The following CAMK2A variants were observed in gnomAD, a reference collection of about 807,000 sequenced individuals.
CAMK2A encodes the protein calcium/calmodulin dependent protein kinase II alpha.
A neutral mutation model predicts 79.2 loss-of-function variants in CAMK2A; 7 were observed. The ratio of observed to expected loss-of-function variants is 0.09; its 90% confidence interval spans 0.05 to 0.17. The LOEUF is 0.17. Among genes scored for constraint, CAMK2A ranks in the 10% least tolerant of loss-of-function variants. The probability of loss-of-function intolerance (pLI) is 1.00; values close to 1 mark genes in which losing one functional copy is unlikely to be tolerated. For synonymous variants in CAMK2A, 242 were observed against 251.7 expected (o/e 0.96, Z 0.36); for missense variants, 214 against 646.4 (o/e 0.33, Z 7.25).
At chr5:150,227,698 G>A (rs750165442) in intron 17 of CAMK2A, among the ~76,000 whole-genome samples, 2 of 152,172 alleles carry the variant, frequency 1.3e-5, no homozygotes, top group Non-Finnish European at 1.5e-5. Flanking sequence ...CAAACAGGCA[G>A]GGGCACAGCA....
intron 4 of CAMK2A, among the ~76,000 whole-genome samples, 175 bp from the exon 5 acceptor site, chr5:150,257,006 G>A (rs920938470): frequency 6.6e-6 from 1 of 152,138 alleles, no homozygotes; most frequent in South Asian, 2.1e-4. Flanking sequence ...CTGTCTTCCA[G>A]AGCACCCTTC....
chr5:150,269,345 C>G (rs943874884), intron 2 of CAMK2A, among the ~76,000 whole-genome samples: 3 of 152,140 alleles, frequency 2.0e-5, no homozygotes, highest in Admixed American at 2.0e-4. Flanking sequence ...TGGGGCCAGA[C>G]AGTCCCAGCA....
At chr5:150,258,803 C>T (rs1382467976) in intron 3 of CAMK2A, among the ~76,000 whole-genome samples, 1 of 152,156 alleles carries the variant, frequency 6.6e-6, no homozygotes, top group Non-Finnish European at 1.5e-5. Context: ...TGGAGAGAGG[C>T]AGGCATCAGA....
rs530966351 is a variant in CAMK2A, at chr5:150,273,223, T to C, written c.63-64A>G. ...CTGAGGGCTGTGTCCCTAGGAGATG[T>C]TGGAGTTCACATCACTGCCCCACGC... On this transcript the variant is annotated intron_variant, in intron 1 of 18. Transcript: ENST00000671881. 2.0e-5 allele frequency: 25 copies of C among 1,271,632 alleles called. No individual in the cohort carries two copies. In the African/African-American group the frequency reaches 2.4e-4, roughly 12 times the overall value. The allele number at this position is 1,271,632 out of a possible 1,614,324, so 78.8% of individuals were successfully genotyped here.
At chr5:150,236,533 G>A (rs1353651706) in intron 15 of CAMK2A, among the ~76,000 whole-genome samples, 1 of 152,230 alleles carries the variant, frequency 6.6e-6, no homozygotes, top group Non-Finnish European at 1.5e-5. Flanking sequence ...GAAGCTCAGA[G>A]AGGTTGAGTA....
At position 150,247,828 on chromosome 5, in the gene CAMK2A, G is replaced by A. The variant is rs1755640437; in HGVS notation, c.901-14C>T. 1.2e-6 allele frequency: 2 copies of A among 1,612,378 alleles called. No homozygotes were observed. Among genetic ancestry groups the A allele is most frequent in the Non-Finnish European group, 1.7e-6 (2 of 1,179,206 alleles). ...GAGAATGGCTCCCTGCAAGACATAA[G>A]AAGAGGGCAGTGGGAGAGGAGGCCG... On this transcript the variant is annotated splice_polypyrimidine_tract_variant and intron_variant, in intron 11 of 18. Transcript: ENST00000671881.
At chr5:150,250,401 G>A (rs144697493) in intron 10 of CAMK2A, 92 bp from the exon 11 acceptor site, 254 of 1,072,592 alleles carry the variant, frequency 2.4e-4, no homozygotes, top group African/African-American at 2.2e-3. Context: ...TCTTAATGGA[G>A]GTGTGGTTGA....
chr5:150,229,312 A>C (rs1049640023), intron 16 of CAMK2A, among the ~76,000 whole-genome samples: 1 of 152,200 alleles, frequency 6.6e-6, no homozygotes, highest in African/African-American at 2.4e-5. Context: ...TGCTCAGACC[A>C]AACGGGATGC....
Position 150,221,144 on chromosome 5 carries a change from T to G in CAMK2A, c.*1566A>C. 7.2e-6 allele frequency: 2 copies of G among 276,172 alleles called. No individual in the cohort carries two copies. Among genetic ancestry groups the G allele is most frequent in the African/African-American group, 2.2e-5 (1 of 45,590 alleles). 17.1% of individuals were successfully genotyped at this position (276,172 alleles called of 1,614,324 possible). On this transcript the variant is annotated 3_prime_UTR_variant, in exon 19 of 19. Transcript: ENST00000671881. ...CTATTTTTTTTTTTAGTCCAAAACA[T>G]GTAGATTGGTTTTGTTGAGTGTTTT...
chr5:150,228,360 A>G (rs1235486677), intron 16 of CAMK2A, 74 bp from the exon 17 acceptor site: 2 of 1,021,552 alleles, frequency 2.0e-6, no homozygotes, highest in Admixed American at 4.4e-5. Flanking sequence ...GAGCCTGTGA[A>G]ATAGGAATGA....
At chr5:150,248,937 C>A (rs1755705628) in intron 11 of CAMK2A, among the ~76,000 whole-genome samples, 1 of 152,172 alleles carries the variant, frequency 6.6e-6, no homozygotes, top group African/African-American at 2.4e-5. Context: ...CTGATTCAGA[C>A]CTGACTTGAC....
rs769557562 is a variant in CAMK2A, at chr5:150,256,816, T to C, written c.288A>G (p.Glu96=). The C allele has an allele frequency of 6.2e-6, 10 of 1,613,996 alleles. No individual in the cohort carries two copies. The South Asian group carries it at 7.7e-5, about 12-fold the overall frequency. The change falls in exon 5 of 19, where the codon GAA becomes GAG. Residue 96 remains glutamate (E), a synonymous_variant. Coordinates refer to ENST00000671881, the MANE Select transcript of CAMK2A (RefSeq NM_015981.4). This position sits in a 1 kb window ranked among gnomAD's most constrained non-coding sequence, Gnocchi z 4.6. ...CCCGGGCCACGATATCTTCAAACAG[T>C]TCCCCACCAGTGACCCTGGGGAGAC... is the stretch of plus-strand genomic sequence containing the variant. ...YLIFDLVTGG[E]LFEDIVAREY... is the part of the protein sequence containing the mutation.
At chr5:150,255,466 C>T (rs978179810) in intron 6 of CAMK2A, among the ~76,000 whole-genome samples, 1 of 152,230 alleles carries the variant, frequency 6.6e-6, no homozygotes, top group Non-Finnish European at 1.5e-5. Context: ...CCGGGAGGAC[C>T]GTGGCAGGGG....
intron 1 of CAMK2A, among the ~76,000 whole-genome samples, chr5:150,282,759 T>G (rs1435409863): frequency 1.3e-5 from 2 of 152,238 alleles, no homozygotes; most frequent in Non-Finnish European, 2.9e-5. Flanking sequence ...TATCATTCTT[T>G]CAGAAAAACA....
intron 3 of CAMK2A, among the ~76,000 whole-genome samples, chr5:150,264,066 A>C (rs1204079084): frequency 6.6e-6 from 1 of 152,180 alleles, no homozygotes; most frequent in Non-Finnish European, 1.5e-5. Context: ...TCAGAGTTGG[A>C]AGAGTCCTTA....
At chr5:150,246,960 T>C (rs1383964054) in intron 12 of CAMK2A, among the ~76,000 whole-genome samples, 3 of 152,192 alleles carry the variant, frequency 2.0e-5, no homozygotes, top group Non-Finnish European at 2.9e-5. Context: ...CTATATCTCC[T>C]CTACTGCCTG....
chr5:150,253,857 A>AAGCAGC lies in CAMK2A; in HGVS notation c.412-317_412-312dup, dbSNP rs139916117. ...GGGTGGTACATTCACCACCACAATA[A>AAGCAGC]AGCAGCAGCAGCAGCAGCAGCATTG... On this transcript the variant is annotated intron_variant, in intron 6 of 18. Coordinates refer to ENST00000671881, the MANE Select transcript of CAMK2A (RefSeq NM_015981.4). 5.3e-3 allele frequency among the ~76,000 whole-genome samples: 787 copies of AAGCAGC among 149,118 alleles called. 9 individuals are homozygous for AAGCAGC. The highest frequency in any genetic ancestry group is 0.019 in the African/African-American group (737 of 38,692).
intron 1 of CAMK2A, among the ~76,000 whole-genome samples, chr5:150,288,163 C>T (rs62382673): frequency 0.093 from 14,082 of 152,100 alleles, 750 homozygotes; most frequent in South Asian, 0.12. Flanking sequence ...CCAGTCTTCA[C>T]GTAGATGTGC....
intron 2 of CAMK2A, among the ~76,000 whole-genome samples, chr5:150,268,085 G>C (rs570083270): frequency 6.2e-4 from 94 of 152,094 alleles, no homozygotes; most frequent in African/African-American, 2.2e-3. Context: ...ATGCTGGCCT[G>C]GTCAGGCTGG....
Sources: allele counts gnomAD v4.1 joint callset (sites outside exome capture counted in the v4.1 genomes callset), GRCh38; gene constraint gnomAD v4.1.1; non-coding constraint Gnocchi (gnomAD v3.1); transcripts MANE v1.5; gene names NCBI Gene and HGNC (gene_info 2026-07-23, HGNC 2026-07-21).